The following PAK5 variants were observed in gnomAD, a reference collection of about 807,000 sequenced individuals.
PAK5 encodes the protein serine/threonine-protein kinase PAK 5.
A neutral mutation model predicts 65.9 loss-of-function variants in PAK5; 16 were observed. That is an observed-to-expected ratio of 0.24 (90% CI 0.16 to 0.37). PAK5 has a LOEUF of 0.37. Among genes scored for constraint, PAK5 ranks in the 10% least tolerant of loss-of-function variants. The probability of loss-of-function intolerance (pLI) is 1.00; values close to 1 mark genes in which losing one functional copy is unlikely to be tolerated. For missense variants in PAK5, 785 were observed against 903.9 expected (o/e 0.87, Z 1.69); for synonymous variants, 371 against 354.9 (o/e 1.05, Z -0.51).
chr20:9,806,189 A>T (rs987302451), intron 1 of PAK5, among the ~76,000 whole-genome samples: 8 of 151,984 alleles, frequency 5.3e-5, no homozygotes, highest in Admixed American at 4.6e-4. Flanking sequence ...GGGTTTCACC[A>T]TGTTGGCCAG....
intron 1 of PAK5, among the ~76,000 whole-genome samples, chr20:9,717,636 C>T (rs184908189): frequency 1.3e-5 from 2 of 152,200 alleles, no homozygotes; most frequent in Admixed American, 1.3e-4. Flanking sequence ...TTTTTGAGAC[C>T]AAGGACCAAG....
intron 1 of PAK5, among the ~76,000 whole-genome samples, chr20:9,817,281 T>C (rs2049368265): frequency 6.6e-6 from 1 of 152,112 alleles, no homozygotes; most frequent in African/African-American, 2.4e-5. Context: ...TAAAAATCTA[T>C]CCAAATGAAA....
At chr20:9,641,722 A>C (rs112865969) in intron 3 of PAK5, among the ~76,000 whole-genome samples, 6 of 152,130 alleles carry the variant, frequency 3.9e-5, no homozygotes, top group East Asian at 2.0e-4. Flanking sequence ...TGCAGGTCCC[A>C]AGCCCTGCCC....
intron 1 of PAK5, among the ~76,000 whole-genome samples, chr20:9,776,124 T>C (rs1050348463): frequency 6.6e-6 from 1 of 152,192 alleles, no homozygotes; most frequent in Non-Finnish European, 1.5e-5. Context: ...TATATGCAAT[T>C]TCATTAATCC....
At chr20:9,656,907 G>A (rs1219976279) in intron 2 of PAK5, among the ~76,000 whole-genome samples, 1 of 152,110 alleles carries the variant, frequency 6.6e-6, no homozygotes. Context: ...TTGTAATAAT[G>A]TTTTTAAAAG....
chr20:9,760,290 T>C (rs1476552782), intron 1 of PAK5, among the ~76,000 whole-genome samples: 3 of 152,218 alleles, frequency 2.0e-5, no homozygotes, highest in Admixed American at 6.5e-5. Flanking sequence ...TCTTGAAACT[T>C]TATAATTTAG....
intron 2 of PAK5, among the ~76,000 whole-genome samples, chr20:9,700,600 A>G (rs975774722): frequency 6.6e-6 from 1 of 152,196 alleles, no homozygotes; most frequent in African/African-American, 2.4e-5. Context: ...ATAGGCTTAT[A>G]TGTAGCTTTA....
chr20:9,774,408 C>T (rs1467462956), intron 1 of PAK5, among the ~76,000 whole-genome samples: 4 of 152,172 alleles, frequency 2.6e-5, no homozygotes, highest in Non-Finnish European at 5.9e-5. Flanking sequence ...AGCCGCTGGA[C>T]TTTTCATACA....
At chr20:9,607,203 T>C (rs570188990) in intron 3 of PAK5, among the ~76,000 whole-genome samples, 1 of 152,256 alleles carries the variant, frequency 6.6e-6, no homozygotes, top group African/African-American at 2.4e-5. Context: ...TCTGGAACAA[T>C]GGTGCAGCCC....
At chr20:9,601,336 G>T (rs1382928300) in intron 3 of PAK5, among the ~76,000 whole-genome samples, 1 of 152,130 alleles carries the variant, frequency 6.6e-6, no homozygotes, top group Non-Finnish European at 1.5e-5. Context: ...CCAGAATGGG[G>T]GAAAGAGGTC....
At chr20:9,735,999 T>G (rs1409063953) in intron 1 of PAK5, among the ~76,000 whole-genome samples, 5 of 151,688 alleles carry the variant, frequency 3.3e-5, no homozygotes, top group African/African-American at 1.2e-4. Context: ...ACTCCCAGGT[T>G]CAAGTGATTC....
intron 7 of PAK5, among the ~76,000 whole-genome samples, chr20:9,555,720 G>C (rs955702644): frequency 6.6e-6 from 1 of 152,170 alleles, no homozygotes; most frequent in Admixed American, 6.5e-5. Flanking sequence ...TCAAGAGGCA[G>C]AGTTTATATC....
intron 1 of PAK5, among the ~76,000 whole-genome samples, chr20:9,758,208 A>G (rs1600335038): frequency 6.6e-6 from 1 of 152,302 alleles, no homozygotes; most frequent in East Asian, 1.9e-4. Flanking sequence ...TAGTGTTGCT[A>G]AGTCATTTAT....
intron 1 of PAK5, among the ~76,000 whole-genome samples, chr20:9,831,257 C>G (rs1369848498): frequency 6.6e-6 from 1 of 152,218 alleles, no homozygotes; most frequent in Non-Finnish European, 1.5e-5. Context: ...CCATCCCCCG[C>G]CACATTCCTG....
chr20:9,780,988 A>G (rs1243413658), intron 1 of PAK5, among the ~76,000 whole-genome samples: 2 of 152,078 alleles, frequency 1.3e-5, no homozygotes, highest in Admixed American at 6.5e-5. Flanking sequence ...TCTTTATTTC[A>G]TGAAATAAAC....
intron 2 of PAK5, among the ~76,000 whole-genome samples, chr20:9,651,647 A>G (rs2047204518): frequency 6.6e-6 from 1 of 152,208 alleles, no homozygotes; most frequent in African/African-American, 2.4e-5. Flanking sequence ...TATATTTCAT[A>G]ATAATAATAG....
At chr20:9,792,996 T>G (rs2049065995) in intron 1 of PAK5, among the ~76,000 whole-genome samples, 1 of 152,158 alleles carries the variant, frequency 6.6e-6, no homozygotes, top group African/African-American at 2.4e-5. Context: ...CAGAATACTT[T>G]GAAAACTTAG....
At chr20:9,684,393 T>C (rs534882833) in intron 2 of PAK5, among the ~76,000 whole-genome samples, 16 of 152,344 alleles carry the variant, frequency 1.1e-4, no homozygotes, top group African/African-American at 3.8e-4. Context: ...TATAGTGATG[T>C]GCCTGCTCAG....
intron 3 of PAK5, among the ~76,000 whole-genome samples, chr20:9,611,973 G>A (rs2046569411): frequency 6.6e-6 from 1 of 152,158 alleles, no homozygotes; most frequent in Non-Finnish European, 1.5e-5. Flanking sequence ...AACTACCACT[G>A]TGATGTCTCT....
Sources: gnomAD v4.1 joint callset for allele counts (sites outside exome capture counted in the v4.1 genomes callset) on GRCh38, gnomAD v4.1.1 for gene constraint, MANE v1.5 for transcripts, NCBI Gene and HGNC (gene_info 2026-07-23, HGNC 2026-07-21) for gene names.